Variants in GRIA3 observed in about 807,000 individuals in gnomAD.
GRIA3 encodes glutamate ionotropic receptor AMPA type subunit 3.
GRIA3 carries 3 observed loss-of-function variants against 63.0 expected under a neutral mutation model. That is an observed-to-expected ratio of 0.05 (90% CI 0.02 to 0.12). GRIA3 has a LOEUF of 0.12. Among genes scored for constraint, GRIA3 ranks in the 10% least tolerant of loss-of-function variants. The pLI is 1.00. For missense variants in GRIA3, 347 were observed against 700.9 expected (o/e 0.50, Z 5.70); for synonymous variants, 274 against 257.9 (o/e 1.06, Z -0.60).
chrX:123,337,940 A>G (rs2044984516), intron 4 of GRIA3, among the ~76,000 whole-genome samples: 1 of 112,012 alleles, frequency 8.9e-6, no homozygotes, highest in Admixed American at 9.5e-5. Context: ...AGGGGAAAAA[A>G]ACACCTTATT....
chrX:123,455,874 T>C (rs765441510), intron 12 of GRIA3, among the ~76,000 whole-genome samples: 10 of 112,380 alleles, frequency 8.9e-5, no homozygotes, highest in Non-Finnish European at 1.1e-4. Flanking sequence ...CCCAGCCTTG[T>C]TCCTCATTAG....
intron 13 of GRIA3, among the ~76,000 whole-genome samples, chrX:123,472,867 C>T (rs73231103): frequency 0.024 from 2,649 of 112,647 alleles, 47 homozygotes; most frequent in Non-Finnish European, 0.033. Context: ...GCTTTCAACT[C>T]TTAATGTTAT....
chrX:123,202,367 A>G (rs1927766016), intron 2 of GRIA3, among the ~76,000 whole-genome samples: 1 of 112,323 alleles, frequency 8.9e-6, no homozygotes, highest in African/African-American at 3.2e-5. Context: ...TTCAATAGCG[A>G]GCTCCAAAGG....
intron 2 of GRIA3, among the ~76,000 whole-genome samples, chrX:123,187,113 C>T (rs1927299879): frequency 9.0e-6 from 1 of 111,631 alleles, no homozygotes; most frequent in African/African-American, 3.3e-5. Context: ...CCTTTCTCTT[C>T]CAAGGGAGAA....
At chrX:123,208,800 G>C (rs972587768) in intron 2 of GRIA3, among the ~76,000 whole-genome samples, 1 of 112,096 alleles carries the variant, frequency 8.9e-6, no homozygotes, top group Non-Finnish European at 1.9e-5. Context: ...CTGCTTACCT[G>C]GATGGATGTC....
intron 3 of GRIA3, among the ~76,000 whole-genome samples, chrX:123,257,770 G>C (rs1422036681): frequency 2.7e-5 from 3 of 111,407 alleles, no homozygotes; most frequent in Non-Finnish European, 5.7e-5. Flanking sequence ...TACTGTATAA[G>C]GGCAGGGATG....
intron 5 of GRIA3, among the ~76,000 whole-genome samples, chrX:123,373,341 T>C (rs2045261472): frequency 8.9e-6 from 1 of 111,996 alleles, no homozygotes; most frequent in South Asian, 3.7e-4. Flanking sequence ...TGCATGTGTC[T>C]TTATAGTAGC....
At position 123,252,469 on chromosome X, in the gene GRIA3, A is replaced by G. The variant is rs146291937; in HGVS notation, c.269-834A>G. ...TTGTTGTAGCTGATTTGTTTTGCTA[A>G]TTATGTTCTACTGAAGCTAATATTA... is the stretch of plus-strand genomic sequence containing the variant. On this transcript the variant is annotated intron_variant, in intron 2 of 15. Transcript: ENST00000620443. Among the ~76,000 whole-genome samples the G allele has an allele frequency of 2.2e-4, 25 of 112,151 alleles. No individual in the cohort carries two copies. In the East Asian group the frequency reaches 7.0e-3, roughly 31 times the overall value.
At chrX:123,246,895 C>A (rs1318086594) in intron 2 of GRIA3, among the ~76,000 whole-genome samples, 6 of 87,760 alleles carry the variant, frequency 6.8e-5, no homozygotes, top group Non-Finnish European at 2.4e-5. Flanking sequence ...AAAAAAAAAA[C>A]CACGAGTTGT....
chrX:123,485,256 G>A (rs899478292), intron 15 of GRIA3, among the ~76,000 whole-genome samples: 1 of 111,941 alleles, frequency 8.9e-6, no homozygotes, highest in Admixed American at 9.4e-5. Context: ...AAATTTTGAG[G>A]TGCTGGCCTC....
intron 2 of GRIA3, among the ~76,000 whole-genome samples, chrX:123,234,334 A>G (rs1163632253): frequency 1.8e-5 from 2 of 111,196 alleles, no homozygotes; most frequent in Non-Finnish European, 3.8e-5. Flanking sequence ...CATGACAAAC[A>G]CCCTTTTGGT....
intron 7 of GRIA3, among the ~76,000 whole-genome samples, chrX:123,402,490 G>A (rs977293862): frequency 3.6e-5 from 4 of 109,622 alleles, no homozygotes; most frequent in Non-Finnish European, 7.6e-5. Flanking sequence ...TAAGACACTG[G>A]GGTAAAAAAG....
Position 123,392,048 on chromosome X carries a change from A to G in GRIA3, c.751-2920A>G, listed in dbSNP as rs371008802. On this transcript the variant is annotated intron_variant, in intron 5 of 15. Coordinates refer to ENST00000620443, the MANE Select transcript of GRIA3 (RefSeq NM_007325.5). ...GGCTGTGGTAGGCAGGGGCGAGGTG[A>G]TCCCTAGATCCCCAGTAGAATGCTC... Among the ~76,000 whole-genome samples, 41 of 111,909 alleles carry G rather than the reference A, an allele frequency of 3.7e-4. No homozygotes were observed. In the East Asian group the frequency reaches 9.3e-3, roughly 25 times the overall value.
At chrX:123,408,883 TATC>T (rs1363280672) in intron 10 of GRIA3, among the ~76,000 whole-genome samples, 1 of 112,309 alleles carries the variant, frequency 8.9e-6, no homozygotes, top group Non-Finnish European at 1.9e-5. Context: ...TATACATTCT[TATC>T]ATGCTTGGAG....
chrX:123,353,589 C>T (rs1270742523), intron 4 of GRIA3, among the ~76,000 whole-genome samples: 1 of 111,826 alleles, frequency 8.9e-6, no homozygotes, highest in East Asian at 2.8e-4. Context: ...ATTTTGAGGC[C>T]TTCTCACTTT....
intron 2 of GRIA3, among the ~76,000 whole-genome samples, chrX:123,217,506 A>C (rs1928189121): frequency 9.0e-6 from 1 of 111,055 alleles, no homozygotes; most frequent in African/African-American, 3.3e-5. Context: ...ATTTCCTACC[A>C]CCCGCAGGTT....
At chrX:123,234,513 T>G (rs2044292404) in intron 2 of GRIA3, among the ~76,000 whole-genome samples, 1 of 111,459 alleles carries the variant, frequency 9.0e-6, no homozygotes, top group African/African-American at 3.3e-5. Context: ...CAGTTCAGAG[T>G]GAGCTTCTTA....
intron 4 of GRIA3, among the ~76,000 whole-genome samples, chrX:123,354,518 CA>C (rs113396554): frequency 0.025 from 2,655 of 106,698 alleles, 33 homozygotes; most frequent in African/African-American, 0.05. Context: ...ATAAAAACAA[CA>C]AAAAAAAAAT....
chrX:123,437,430 A>G (rs2045651079), intron 12 of GRIA3, among the ~76,000 whole-genome samples: 1 of 110,852 alleles, frequency 9.0e-6, no homozygotes, highest in African/African-American at 3.3e-5. Context: ...GGAAAGACTC[A>G]TTAAGGAGGT....
Sources: allele counts gnomAD v4.1 joint callset (sites outside exome capture counted in the v4.1 genomes callset), GRCh38; gene constraint gnomAD v4.1.1; transcripts MANE v1.5; gene names NCBI Gene and HGNC (gene_info 2026-07-23, HGNC 2026-07-21).